The following SH3PXD2A variants were observed in gnomAD, a reference collection of about 807,000 sequenced individuals.
SH3PXD2A encodes the protein SH3 and PX domains 2A, also known as SH3 and PX domain-containing protein 2A.
In SH3PXD2A, 32 loss-of-function variants were observed where a neutral mutation model predicts 115.2. The ratio of observed to expected loss-of-function variants is 0.28; its 90% CI spans 0.21 to 0.37. The LOEUF is 0.37. Ranked by LOEUF, SH3PXD2A falls within the 10% of genes least tolerant of loss-of-function variation. The pLI is 1.00. For missense variants in SH3PXD2A, 1,328 were observed against 1,498.7 expected (o/e 0.89, Z 1.88); for synonymous variants, 610 against 629.1 (o/e 0.97, Z 0.45).
chr10:103,601,575 G>A lies in SH3PXD2A; in HGVS notation c.*241C>T. The A allele has an allele frequency of 2.3e-6, 1 of 439,840 alleles. No homozygotes were observed. The highest frequency in any genetic ancestry group is 4.1e-6 in the Non-Finnish European group (1 of 246,116). The allele number at this position is 439,840 out of a possible 1,614,324, so 27.2% of individuals were successfully genotyped here. ...TCAGCTTTCTTGGCTCTGGGTCCCA[G>A]GCCTGGGACTCCCTGGTCCATTCCC... On this transcript the variant is annotated 3_prime_UTR_variant, in exon 15 of 15. Transcript: ENST00000369774.
At chr10:103,732,284 T>C (rs951281664) in intron 4 of SH3PXD2A, among the ~76,000 whole-genome samples, 3 of 152,238 alleles carry the variant, frequency 2.0e-5, no homozygotes, top group African/African-American at 7.2e-5. Context: ...AGCTTACTCT[T>C]GTTAGTCTGA....
chr10:103,606,630 G>A (rs548010510), intron 13 of SH3PXD2A, among the ~76,000 whole-genome samples: 4 of 152,042 alleles, frequency 2.6e-5, no homozygotes, highest in South Asian at 2.1e-4. Flanking sequence ...GAGTGCCTGC[G>A]ATTGCAGGCG....
chr10:103,837,226 T>C (rs899535995), intron 1 of SH3PXD2A, among the ~76,000 whole-genome samples: 1 of 152,220 alleles, frequency 6.6e-6, no homozygotes, highest in Non-Finnish European at 1.5e-5. Context: ...AAGTTTCTTA[T>C]CTGACTCCTC....
intron 5 of SH3PXD2A, among the ~76,000 whole-genome samples, chr10:103,701,372 T>C (rs1207622122): frequency 3.4e-4 from 28 of 81,806 alleles, no homozygotes; most frequent in East Asian, 4.5e-4. Context: ...ATCTATCCAT[T>C]CATCCATCCA....
At chr10:103,696,108 T>C (rs751204439) in intron 5 of SH3PXD2A, among the ~76,000 whole-genome samples, 1 of 152,082 alleles carries the variant, frequency 6.6e-6, no homozygotes, top group Admixed American at 6.5e-5. Context: ...GATCAGCACA[T>C]GGGGTTAATG....
At chr10:103,693,937 G>A (rs1192436679) in intron 5 of SH3PXD2A, among the ~76,000 whole-genome samples, 2 of 152,152 alleles carry the variant, frequency 1.3e-5, no homozygotes, top group East Asian at 3.9e-4. Context: ...TACCTGCCCT[G>A]CCCTCCAGCA....
intron 3 of SH3PXD2A, 49 bp from the exon 4 acceptor site, chr10:103,735,857 A>C (rs1448764620): frequency 7.0e-7 from 1 of 1,422,710 alleles, no homozygotes; most frequent in South Asian, 1.1e-5. Flanking sequence ...AAACTGCTAC[A>C]GAGACCTTCT....
At chr10:103,766,058 C>T (rs1048624054) in intron 3 of SH3PXD2A, among the ~76,000 whole-genome samples, 12 of 152,178 alleles carry the variant, frequency 7.9e-5, no homozygotes, top group African/African-American at 1.9e-4. Flanking sequence ...TCACATCTTT[C>T]GCTGCTTTTG....
At chr10:103,849,167 C>G in intron 1 of SH3PXD2A, among the ~76,000 whole-genome samples, 1 of 151,944 alleles carries the variant, frequency 6.6e-6, no homozygotes. Flanking sequence ...GTTATTTTCT[C>G]TCTCACCAAG....
At chr10:103,710,709 T>A (rs2038037289) in intron 5 of SH3PXD2A, among the ~76,000 whole-genome samples, 1 of 152,096 alleles carries the variant, frequency 6.6e-6, no homozygotes, top group Non-Finnish European at 1.5e-5. Context: ...AAGTGAGACG[T>A]CCCAGTATTG....
intron 8 of SH3PXD2A, among the ~76,000 whole-genome samples, chr10:103,649,482 C>T (rs2037087082): frequency 6.6e-6 from 1 of 152,236 alleles, no homozygotes; most frequent in Admixed American, 6.5e-5. Flanking sequence ...GTGGCTATTC[C>T]TTGACCCAAT....
intron 3 of SH3PXD2A, among the ~76,000 whole-genome samples, chr10:103,736,293 C>T (rs888923665): frequency 6.6e-5 from 10 of 152,224 alleles, no homozygotes; most frequent in African/African-American, 1.9e-4. Context: ...CAAGGCAATA[C>T]CAAGGGAAGC....
chr10:103,661,492 G>A (rs946122682), intron 7 of SH3PXD2A: 1 of 231,144 alleles, frequency 4.3e-6, no homozygotes, highest in African/African-American at 2.3e-5. Context: ...TGGGGCCGAC[G>A]GGGTCTCTCC....
intron 2 of SH3PXD2A, among the ~76,000 whole-genome samples, chr10:103,796,403 A>G (rs1241910922): frequency 2.0e-5 from 3 of 148,164 alleles, no homozygotes; most frequent in African/African-American, 7.5e-5. Context: ...AAAAAAAGAG[A>G]GAGAGAGAGA....
intron 3 of SH3PXD2A, among the ~76,000 whole-genome samples, chr10:103,757,400 A>G (rs1235224020): frequency 6.6e-6 from 1 of 152,206 alleles, no homozygotes; most frequent in Non-Finnish European, 1.5e-5. Context: ...GACTGAGACC[A>G]TGAGAAGAGA....
intron 2 of SH3PXD2A, among the ~76,000 whole-genome samples, chr10:103,792,223 A>C (rs1414556120): frequency 6.6e-6 from 1 of 152,244 alleles, no homozygotes; most frequent in African/African-American, 2.4e-5. Flanking sequence ...TTTTTAAAAA[A>C]CAATGTTTTC....
chr10:103,851,792 C>G (rs1223968154), intron 1 of SH3PXD2A, among the ~76,000 whole-genome samples: 1 of 152,144 alleles, frequency 6.6e-6, no homozygotes, highest in East Asian at 1.9e-4. Flanking sequence ...TGCAGAGGAT[C>G]AGAACATTCA....
intron 13 of SH3PXD2A, among the ~76,000 whole-genome samples, chr10:103,610,660 C>T (rs2036412732): frequency 6.6e-6 from 1 of 152,152 alleles, no homozygotes; most frequent in Non-Finnish European, 1.5e-5. Flanking sequence ...TCAGAATCCT[C>T]CTTAACCCAG....
chr10:103,613,062 A>G lies in SH3PXD2A; in HGVS notation c.1049T>C (p.Leu350Pro). The G allele has an allele frequency of 6.2e-7, 1 of 1,614,206 alleles. No homozygotes were observed. The highest frequency in any genetic ancestry group is 8.5e-7 in the Non-Finnish European group (1 of 1,180,024). The change falls in exon 12 of 15, where the codon CTG becomes CCG. Residue 350 changes from leucine to proline, a missense_variant. By Grantham distance (98) the Leu-to-Pro change is moderately conservative (BLOSUM62 -3). This residue lies in a region of SH3PXD2A where 509 missense variants were observed against 628.3 expected (regional missense o/e 0.81). Coordinates refer to ENST00000369774, the MANE Select transcript of SH3PXD2A (RefSeq NM_001394015.1). ...GTCCCCAGACGCCTTCTTGTTCAGC[A>G]GGTTGCTGATCTCCATGATGTTCCC... is the stretch of plus-strand genomic sequence containing the variant. ...IIGNIMEISN[L>P]LNKKASGDKE...
Sources: allele counts gnomAD v4.1 joint callset (sites outside exome capture counted in the v4.1 genomes callset), GRCh38; gene constraint gnomAD v4.1.1; regional missense constraint gnomAD v4.1.1; transcripts MANE v1.5; gene names NCBI Gene and HGNC (gene_info 2026-07-23, HGNC 2026-07-21).